The following SEPTIN8 variants were observed in gnomAD, a reference collection of about 807,000 sequenced individuals.
SEPTIN8 encodes septin-8.
Under a neutral mutation model 53.1 loss-of-function variants are expected in SEPTIN8, and 22 were observed. That is an observed-to-expected ratio of 0.41 (90% CI 0.30 to 0.59). SEPTIN8 has a LOEUF of 0.59. SEPTIN8 is among the 20% of genes least tolerant of loss of function. The pLI is 0.24. For missense variants in SEPTIN8, 536 were observed against 638.7 expected, an observed-to-expected ratio of 0.84 and a Z score of 1.73; for synonymous variants, 228 against 248.4, an observed-to-expected ratio of 0.92 and a Z score of 0.77.
Position 132,763,874 on chromosome 5 carries a change from G to C in SEPTIN8, c.366C>G (p.Asp122Glu). 6.3e-7 allele frequency: 1 copy of C among 1,583,900 alleles called. No homozygotes were observed. The highest frequency in any genetic ancestry group is 2.2e-5 in the East Asian group (1 of 44,662). ...AATTTTCAAACTGCGCATCGATGTA[G>C]TCAACTATGGGCCTGTAACTACAGA... ...NKDESYRPIV[D>E]YIDAQFENYL... is the part of the protein sequence containing the mutation. Residue 122 changes from aspartate (D) to glutamate (E), a missense_variant, in exon 4 of 10, where the codon GAC becomes GAG. Asp to Glu is a conservative substitution (Grantham distance 45, BLOSUM62 2). Coordinates refer to ENST00000378719, the MANE Select transcript of SEPTIN8 (RefSeq NM_001098811.2).
upstream of SEPTIN8, among the ~76,000 whole-genome samples, chr5:132,779,455 A>G (rs746565856): frequency 1.3e-5 from 2 of 152,166 alleles, no homozygotes; most frequent in Non-Finnish European, 2.9e-5. Context: ...AAGAAAGGGG[A>G]ATATACAGCT....
chr5:132,778,389 G>A (rs191676274), upstream of SEPTIN8, among the ~76,000 whole-genome samples: 18 of 152,256 alleles, frequency 1.2e-4, no homozygotes, highest in East Asian at 3.3e-3. Flanking sequence ...CCTGGCTTAA[G>A]AGGAGCCCCC....
In SEPTIN8 at chr5:132,776,464, T is replaced by C. The variant is rs568429002; in HGVS notation, c.30+644A>G. ...GAGCCCAAATAAACGCCCACTGGGC[T>C]GAGTCTGGAATCCCTCCAGCTCCTG... On this transcript the variant is annotated intron_variant, in intron 1 of 9. Transcript: ENST00000378719. This position sits in a 1 kb window ranked among gnomAD's most constrained non-coding sequence, Gnocchi z 4.4. Among the ~76,000 whole-genome samples the C allele has an allele frequency of 6.6e-6, 1 of 152,322 alleles. No individual in the cohort carries two copies. The highest frequency in any genetic ancestry group is 2.1e-4 in the South Asian group (1 of 4,824).
At chr5:132,768,289 T>C (rs879097224) in intron 1 of SEPTIN8, among the ~76,000 whole-genome samples, 1 of 151,366 alleles carries the variant, frequency 6.6e-6, no homozygotes, top group African/African-American at 2.4e-5. Flanking sequence ...CGGGGACCAG[T>C]CAGGGGTATG....
chr5:132,757,014 A>AT (rs1175885135), intron 9 of SEPTIN8: 1 of 985,292 alleles, frequency 1.0e-6, no homozygotes, highest in Non-Finnish European at 1.2e-6. Flanking sequence ...GAGATGAGCC[A>AT]TTGGCAGCCC....
chr5:132,769,916 C>T (rs1756995762), intron 1 of SEPTIN8, among the ~76,000 whole-genome samples: 1 of 147,028 alleles, frequency 6.8e-6, no homozygotes. Context: ...ACTGTGGGAA[C>T]ACAGATCTAG....
chr5:132,763,939 G>C (rs769476447), intron 3 of SEPTIN8, 47 bp from the exon 4 acceptor site: 41 of 1,499,832 alleles, frequency 2.7e-5, no homozygotes, highest in Non-Finnish European at 3.5e-5. Context: ...GAGATCAGGG[G>C]CTTGGGGCTT....
At chr5:132,767,391 C>T (rs951373121) in intron 1 of SEPTIN8, among the ~76,000 whole-genome samples, 7 of 152,168 alleles carry the variant, frequency 4.6e-5, no homozygotes, top group African/African-American at 1.4e-4. Flanking sequence ...CTCGGCTCTA[C>T]AGCTACTCTA....
At chr5:132,756,447 A>G (rs1254795367) in intron 9 of SEPTIN8, 2 of 985,358 alleles carry the variant, frequency 2.0e-6, no homozygotes, top group Admixed American at 1.2e-4. Flanking sequence ...GTAAATGCCA[A>G]CATGATCCTG....
rs1561769099 is a variant in SEPTIN8, at chr5:132,770,135, GTATGTGTGTGTATATA to G, written c.31-4622_31-4607del. Among the ~76,000 whole-genome samples the G allele has an allele frequency of 9.2e-3, 861 of 93,652 alleles. 24 individuals are homozygous for G. The highest frequency in any genetic ancestry group is 0.053 in the African/African-American group (750 of 14,128). The allele number at this position is 93,652 out of a possible 152,430, so 61.4% of individuals were successfully genotyped here. On this transcript the variant is annotated intron_variant, in intron 1 of 9. Transcript: ENST00000378719. ...TATATATATATATATGTATATATGT[GTATGTGTGTGTATATA>G]TATATATATATATATGTATATATGT...
intron 1 of SEPTIN8, among the ~76,000 whole-genome samples, chr5:132,766,420 A>C (rs1028069667): frequency 2.0e-5 from 3 of 152,176 alleles, no homozygotes; most frequent in Non-Finnish European, 4.4e-5. Context: ...GCTCTATAAA[A>C]AGAAACCACG....
chr5:132,769,073 C>T (rs1438921881), intron 1 of SEPTIN8, among the ~76,000 whole-genome samples: 2 of 152,130 alleles, frequency 1.3e-5, no homozygotes, highest in Admixed American at 1.3e-4. Flanking sequence ...AAGGAAGGGA[C>T]GTCTGGGATG....
chr5:132,766,210 T>G (rs1756577772), intron 1 of SEPTIN8, among the ~76,000 whole-genome samples: 1 of 152,188 alleles, frequency 6.6e-6, no homozygotes, highest in South Asian at 2.1e-4. Flanking sequence ...ACTGAGACTC[T>G]GAGGCCTCCT....
In SEPTIN8 at chr5:132,751,496, TAGTA is replaced by T. The variant is rs1046933155; in HGVS notation, c.*516_*519del. On this transcript the variant is annotated 3_prime_UTR_variant, in exon 10 of 10. Coordinates refer to ENST00000378719, the MANE Select transcript of SEPTIN8 (RefSeq NM_001098811.2). ...GTCATCCTTAAGGATATGATTCTGT[TAGTA>T]AGGCAAAATTATGCAATGTGGAAAT... The T allele has an allele frequency of 5.2e-5, 10 of 190,904 alleles. No homozygotes were observed. Among genetic ancestry groups the T allele is most frequent in the Admixed American group, 2.7e-4 (5 of 18,482 alleles). 11.8% of individuals were successfully genotyped at this position (190,904 alleles called of 1,614,324 possible).
chr5:132,754,428 C>T lies in SEPTIN8; in HGVS notation c.1287-2247G>A, dbSNP rs115268049. 9.1e-4 allele frequency: 651 copies of T among 717,452 alleles called. 3 individuals carry two copies. In the African/African-American group the frequency reaches 9.2e-3, roughly 10 times the overall value. 44.4% of individuals were successfully genotyped at this position (717,452 alleles called of 1,614,324 possible). ...AGGGCCCATACCAGTTTAGGCATCCCAGGCTTTAGGGGAACTGCTGGAAGA... is the reference window on the plus strand; with the variant it reads ...AGGGCCCATACCAGTTTAGGCATCCTAGGCTTTAGGGGAACTGCTGGAAGA... On this transcript the variant is annotated intron_variant, in intron 9 of 9. Transcript: ENST00000378719.
At chr5:132,759,837 G>A (rs777388283) in intron 9 of SEPTIN8, among the ~76,000 whole-genome samples, 15 of 152,182 alleles carry the variant, frequency 9.9e-5, no homozygotes, top group Non-Finnish European at 1.6e-4. Context: ...GTGGGTGGGC[G>A]AGGGTGAGCC....
At chr5:132,771,333 C>T (rs78790856) in intron 1 of SEPTIN8, among the ~76,000 whole-genome samples, 3,168 of 152,294 alleles carry the variant, frequency 0.021, 117 homozygotes, top group African/African-American at 0.072. Flanking sequence ...ATCCAAACCC[C>T]CAAACTAGGC....
chr5:132,758,477 G>C (rs763413094), intron 9 of SEPTIN8: 1 of 1,609,944 alleles, frequency 6.2e-7, no homozygotes, highest in Non-Finnish European at 8.5e-7. Context: ...TAGCATCCCG[G>C]CTGGGGCCTT....
At chr5:132,768,509 C>T (rs1320727257) in intron 1 of SEPTIN8, among the ~76,000 whole-genome samples, 1 of 152,242 alleles carries the variant, frequency 6.6e-6, no homozygotes, top group Non-Finnish European at 1.5e-5. Flanking sequence ...GTGCCTGCTC[C>T]AGGCATCTCT....
Sources: gnomAD v4.1 joint callset for allele counts (sites outside exome capture counted in the v4.1 genomes callset) on GRCh38, gnomAD v4.1.1 for gene constraint, Gnocchi (gnomAD v3.1) non-coding constraint, MANE v1.5 for transcripts, NCBI Gene and HGNC (gene_info 2026-07-23, HGNC 2026-07-21) for gene names.